The following ADCY8 variants were observed in gnomAD, a reference collection of about 807,000 sequenced individuals.
ADCY8 encodes the protein adenylate cyclase type 8.
ADCY8 carries 51 observed loss-of-function variants against 119.7 expected under a neutral mutation model. That is an observed-to-expected ratio of 0.43 (90% CI 0.34 to 0.54). The LOEUF (loss-of-function observed/expected upper bound fraction) is 0.54, where lower values mean the gene tolerates loss of function less well. Ranked by LOEUF, ADCY8 falls within the 20% of genes least tolerant of loss-of-function variation. The pLI is 0.03. For synonymous variants in ADCY8, 665 were observed against 651.0 expected, an observed-to-expected ratio of 1.02 and a Z score of -0.33; for missense variants, 1,383 against 1,598.8, an observed-to-expected ratio of 0.87 and a Z score of 2.30.
At chr8:130,886,582 C>A (rs1165758619) in intron 7 of ADCY8, among the ~76,000 whole-genome samples, 1 of 152,042 alleles carries the variant, frequency 6.6e-6, no homozygotes. Flanking sequence ...GATAAAACTC[C>A]ATTTTCCGTC....
intron 8 of ADCY8, among the ~76,000 whole-genome samples, chr8:130,878,425 C>G (rs902952569): frequency 2.6e-5 from 4 of 152,168 alleles, no homozygotes; most frequent in African/African-American, 7.2e-5. Flanking sequence ...TTATTAGTCT[C>G]TTGGAGACAT....
intron 1 of ADCY8, among the ~76,000 whole-genome samples, chr8:131,014,975 G>A (rs575649554): frequency 1.2e-4 from 18 of 152,268 alleles, no homozygotes; most frequent in Non-Finnish European, 2.1e-4. Flanking sequence ...TACAAAATGG[G>A]ACGTATTTCA....
At chr8:130,944,255 C>T (rs1032023518) in intron 3 of ADCY8, among the ~76,000 whole-genome samples, 13 of 152,148 alleles carry the variant, frequency 8.5e-5, no homozygotes, top group African/African-American at 2.4e-4. Context: ...CTGGGATTGT[C>T]CATTTGGTTG....
intron 12 of ADCY8, among the ~76,000 whole-genome samples, chr8:130,830,809 T>C (rs536781446): frequency 6.6e-5 from 10 of 152,332 alleles, no homozygotes; most frequent in South Asian, 6.2e-4. Context: ...GTTGCCTCCC[T>C]GAATTAAAAA....
At chr8:130,852,086 T>C (rs1458199865) in intron 9 of ADCY8, among the ~76,000 whole-genome samples, 1 of 151,876 alleles carries the variant, frequency 6.6e-6, no homozygotes, top group Non-Finnish European at 1.5e-5. Flanking sequence ...GTTTATGAAG[T>C]GTGGTTAGAT....
intron 8 of ADCY8, among the ~76,000 whole-genome samples, chr8:130,872,857 A>G (rs1162810053): frequency 6.6e-6 from 1 of 152,204 alleles, no homozygotes; most frequent in Non-Finnish European, 1.5e-5. Context: ...TGAAGTTCAG[A>G]CCCATTCCTT....
intron 2 of ADCY8, among the ~76,000 whole-genome samples, chr8:130,979,934 C>G (rs1822188068): frequency 6.6e-6 from 1 of 152,150 alleles, no homozygotes. Context: ...AAAAAATTAC[C>G]ACACAATTTG....
At chr8:130,876,583 G>A (rs1440289353) in intron 8 of ADCY8, among the ~76,000 whole-genome samples, 1 of 152,108 alleles carries the variant, frequency 6.6e-6, no homozygotes, top group Admixed American at 6.6e-5. Context: ...GGGTGATAGA[G>A]TTGCCTTTGT....
chr8:130,784,119 G>T (rs1399719908), intron 16 of ADCY8, among the ~76,000 whole-genome samples: 2 of 152,110 alleles, frequency 1.3e-5, no homozygotes, highest in Admixed American at 1.3e-4. Context: ...ATGAGTGTAT[G>T]TGTGTATGTG....
At chr8:130,852,904 G>A (rs1445892134) in intron 9 of ADCY8, among the ~76,000 whole-genome samples, 24 of 152,184 alleles carry the variant, frequency 1.6e-4, no homozygotes, top group Non-Finnish European at 1.3e-4. Flanking sequence ...CCTGGCATAG[G>A]GCTGAGTATA....
chr8:130,805,997 A>G (rs558043680), intron 14 of ADCY8, among the ~76,000 whole-genome samples: 2 of 152,278 alleles, frequency 1.3e-5, no homozygotes, highest in Admixed American at 6.5e-5. Context: ...GGTGGGGTAA[A>G]GCACCATAAG....
chr8:130,907,465 T>TG (rs1490104602), intron 6 of ADCY8, among the ~76,000 whole-genome samples: 1 of 152,234 alleles, frequency 6.6e-6, no homozygotes, highest in Non-Finnish European at 1.5e-5. Flanking sequence ...TAAGCAGAGA[T>TG]GGATACTGAA....
At chr8:130,959,528 A>AGGCT (rs1178854617) in intron 2 of ADCY8, among the ~76,000 whole-genome samples, 1 of 152,252 alleles carries the variant, frequency 6.6e-6, no homozygotes, top group Non-Finnish European at 1.5e-5. Context: ...CAAGACATGA[A>AGGCT]GGCTGCATGG....
intron 1 of ADCY8, among the ~76,000 whole-genome samples, chr8:131,019,487 A>G (rs1230111949): frequency 1.3e-5 from 2 of 152,186 alleles, no homozygotes; most frequent in East Asian, 1.9e-4. Context: ...GAAACATTTT[A>G]GCTTCAATTT....
chr8:131,005,356 T>C (rs1018162688), intron 1 of ADCY8, among the ~76,000 whole-genome samples: 1 of 152,210 alleles, frequency 6.6e-6, no homozygotes, highest in South Asian at 2.1e-4. Context: ...GCCTCCATAC[T>C]AAAGCACTGG....
intron 1 of ADCY8, among the ~76,000 whole-genome samples, chr8:131,019,825 C>CTG (rs1563770531): frequency 4.4e-4 from 55 of 124,678 alleles, no homozygotes; most frequent in African/African-American, 1.5e-3. Flanking sequence ...CTCTCTCTCT[C>CTG]TCTCTCTCTC....
chr8:130,847,423 C>T lies in ADCY8; in HGVS notation c.2502+1G>A. On this transcript the variant is annotated splice_donor_variant, in intron 11 of 17. Transcript: ENST00000286355. LOFTEE classifies it high-confidence loss of function. The stretch of plus-strand genomic sequence containing the variant: ...ACCAAGGGGAGCTCATAAATAAATA[C>T]CTCTGGGTAGGAGCAGATATCTGTA... 2 of 1,608,622 alleles carry T rather than the reference C, an allele frequency of 1.2e-6. No homozygotes were observed. The highest frequency in any genetic ancestry group is 1.7e-6 in the Non-Finnish European group (2 of 1,176,534).
intron 16 of ADCY8, among the ~76,000 whole-genome samples, chr8:130,784,445 G>C (rs1424211549): frequency 6.6e-6 from 1 of 152,168 alleles, no homozygotes; most frequent in Non-Finnish European, 1.5e-5. Context: ...GGTATTGAAT[G>C]AGATTTTTTA....
At chr8:130,804,040 G>A (rs1255129879) in intron 14 of ADCY8, among the ~76,000 whole-genome samples, 1 of 152,162 alleles carries the variant, frequency 6.6e-6, no homozygotes, top group Non-Finnish European at 1.5e-5. Flanking sequence ...TGAACAATAT[G>A]GTGATGCCAC....
Sources: gnomAD v4.1 joint callset for allele counts (sites outside exome capture counted in the v4.1 genomes callset) on GRCh38, gnomAD v4.1.1 for gene constraint, MANE v1.5 for transcripts, NCBI Gene and HGNC (gene_info 2026-07-23, HGNC 2026-07-21) for gene names.